KCNIP1: variants seen among roughly 807,000 people sequenced by gnomAD.
KCNIP1 encodes A-type potassium channel modulatory protein KCNIP1.
A neutral mutation model predicts 33.0 loss-of-function variants in KCNIP1; 18 were observed. The ratio of observed to expected loss-of-function variants is 0.55; its 90% confidence interval spans 0.38 to 0.81. The LOEUF is 0.81. KCNIP1 is among the 30% of genes least tolerant of loss of function. The pLI is 0.00. For missense variants in KCNIP1, 238 were observed against 271.6 expected (o/e 0.88, Z 0.87); for synonymous variants, 93 against 98.3 (o/e 0.95, Z 0.32).
chr5:170,571,245 C>T (rs914204804), intron 1 of KCNIP1, among the ~76,000 whole-genome samples: 57 of 151,492 alleles, frequency 3.8e-4, no homozygotes, highest in African/African-American at 1.3e-3. Context: ...GGGATTCATC[C>T]ATGCACATTA....
chr5:170,671,525 C>G (rs921454966), intron 1 of KCNIP1, among the ~76,000 whole-genome samples: 8 of 152,170 alleles, frequency 5.3e-5, no homozygotes, highest in African/African-American at 1.9e-4. Flanking sequence ...TGGGTTGGGC[C>G]TTATCTTTAT....
chr5:170,460,519 G>C (rs1581212903), intron 1 of KCNIP1, among the ~76,000 whole-genome samples: 1 of 152,212 alleles, frequency 6.6e-6, no homozygotes, highest in East Asian at 1.9e-4. Context: ...TACCAGGGAT[G>C]CAGGGAGGGT....
chr5:170,534,826 A>G (rs1755916017), intron 1 of KCNIP1, among the ~76,000 whole-genome samples: 1 of 142,270 alleles, frequency 7.0e-6, no homozygotes, highest in Non-Finnish European at 1.5e-5. Context: ...CATGCCCGGC[A>G]TAGATTTTTT....
chr5:170,711,394 C>T (rs955671579), intron 1 of KCNIP1, among the ~76,000 whole-genome samples: 22 of 152,220 alleles, frequency 1.4e-4, no homozygotes, highest in Non-Finnish European at 2.8e-4. Context: ...CACACCAGAG[C>T]ATGTCAATGC....
intron 1 of KCNIP1, among the ~76,000 whole-genome samples, chr5:170,700,848 C>T (rs1453725568): frequency 1.3e-5 from 2 of 152,180 alleles, no homozygotes; most frequent in Non-Finnish European, 2.9e-5. Flanking sequence ...ACCCAACACG[C>T]ATCAGGAAGG....
chr5:170,587,421 C>CAAAAAAAAAAAAAAAAAAAAAAAAA (rs56358014), intron 1 of KCNIP1, among the ~76,000 whole-genome samples: 4 of 70,336 alleles, frequency 5.7e-5, no homozygotes, highest in Non-Finnish European at 5.5e-5. Flanking sequence ...GACTCTGTCT[C>CAAAAAAAAAAAAAAAAAAAAAAAAA]AAAAAAAAAA....
chr5:170,726,056 A>G (rs1763994385), intron 5 of KCNIP1, among the ~76,000 whole-genome samples: 1 of 152,194 alleles, frequency 6.6e-6, no homozygotes, highest in African/African-American at 2.4e-5. Flanking sequence ...CATTCTTACA[A>G]CTTTGGAGTA....
chr5:170,363,377 G>A (rs1276280435), intron 1 of KCNIP1, among the ~76,000 whole-genome samples: 1 of 152,154 alleles, frequency 6.6e-6, no homozygotes, highest in Non-Finnish European at 1.5e-5. Flanking sequence ...GGAGATTAAG[G>A]TTAAATGAGG....
chr5:170,671,219 C>T (rs1240648811), intron 1 of KCNIP1, among the ~76,000 whole-genome samples: 1 of 152,170 alleles, frequency 6.6e-6, no homozygotes, highest in African/African-American at 2.4e-5. Flanking sequence ...ACACGGTCTA[C>T]AATATTCTGC....
At chr5:170,650,103 C>T (rs1041507511) in intron 1 of KCNIP1, among the ~76,000 whole-genome samples, 11 of 151,892 alleles carry the variant, frequency 7.2e-5, no homozygotes, top group African/African-American at 1.9e-4. Context: ...TATTGCTAAG[C>T]GTTATAGATT....
At chr5:170,632,936 G>T (rs1193267439) in intron 1 of KCNIP1, among the ~76,000 whole-genome samples, 2 of 152,162 alleles carry the variant, frequency 1.3e-5, no homozygotes, top group African/African-American at 2.4e-5. Flanking sequence ...GTTCCCTCGC[G>T]TGGGGGTGGG....
rs535268942 is a variant in KCNIP1 at position 170,491,069 on chromosome 5, G to C, written c.88+137105G>C. Among the ~76,000 whole-genome samples, 4 of 152,320 alleles carry C rather than the reference G, an allele frequency of 2.6e-5. No individual in the cohort carries two copies. The South Asian group carries it at 8.3e-4, about 32-fold the overall frequency. ...CCTCTTGGTTTTTGGCTAAGATCAA[G>C]TGTAGAGTCCTGCTATCATCAGACA... On this transcript the variant is annotated intron_variant, in intron 1 of 7. Coordinates refer to the KCNIP1 transcript ENST00000377360.
intron 1 of KCNIP1, among the ~76,000 whole-genome samples, chr5:170,591,908 G>C (rs1365960918): frequency 6.6e-6 from 1 of 152,094 alleles, no homozygotes; most frequent in Non-Finnish European, 1.5e-5. Flanking sequence ...TATACACATG[G>C]CTGTGCAAAT....
intron 1 of KCNIP1, among the ~76,000 whole-genome samples, chr5:170,472,252 G>C (rs1242858261): frequency 2.6e-5 from 4 of 152,188 alleles, no homozygotes; most frequent in Non-Finnish European, 5.9e-5. Context: ...GCCACTGTGA[G>C]ATTCAGAAGA....
chr5:170,418,671 G>A (rs1755396070), intron 1 of KCNIP1, among the ~76,000 whole-genome samples: 1 of 152,152 alleles, frequency 6.6e-6, no homozygotes, highest in African/African-American at 2.4e-5. Context: ...TTCAGCCTGA[G>A]GTCTCCTCCT....
At chr5:170,617,859 G>A (rs886423912) in intron 1 of KCNIP1, among the ~76,000 whole-genome samples, 1 of 152,214 alleles carries the variant, frequency 6.6e-6, no homozygotes, top group African/African-American at 2.4e-5. Context: ...GAAAATTAAA[G>A]TGATTGCATC....
At chr5:170,631,530 TC>T (rs1760050592) in intron 1 of KCNIP1, among the ~76,000 whole-genome samples, 1 of 152,156 alleles carries the variant, frequency 6.6e-6, no homozygotes, top group South Asian at 2.1e-4. Flanking sequence ...GCAGGGGCTT[TC>T]CCGAATGGAA....
At chr5:170,555,484 G>C (rs867691179) in intron 1 of KCNIP1, among the ~76,000 whole-genome samples, 1 of 152,194 alleles carries the variant, frequency 6.6e-6, no homozygotes, top group Non-Finnish European at 1.5e-5. Context: ...CTGTAAGTGA[G>C]GAAGCTGCAG....
intron 1 of KCNIP1, among the ~76,000 whole-genome samples, chr5:170,563,254 C>T (rs1467496496): frequency 6.6e-6 from 1 of 152,226 alleles, no homozygotes; most frequent in South Asian, 2.1e-4. Flanking sequence ...CCCAGCCCTG[C>T]AGGCCCAGTG....
Sources: allele counts gnomAD v4.1 joint callset (sites outside exome capture counted in the v4.1 genomes callset), GRCh38; gene constraint gnomAD v4.1.1; transcripts MANE v1.5; gene names NCBI Gene and HGNC (gene_info 2026-07-23, HGNC 2026-07-21).